Variants in DPYD observed in about 807,000 individuals in gnomAD.
The protein encoded by DPYD is dihydropyrimidine dehydrogenase, also known as dihydropyrimidine dehydrogenase [NADP(+)].
A neutral mutation model predicts 116.2 loss-of-function variants in DPYD; 109 were observed. The observed-to-expected ratio is 0.94, with a 90% confidence interval of 0.80 to 1.10. The LOEUF is 1.10. DPYD is among the 50% of genes least tolerant of loss of function. The pLI, the probability that DPYD is intolerant of heterozygous loss-of-function variation, is 0.00. For missense variants in DPYD, 1,302 were observed against 1,254.5 expected, an observed-to-expected ratio of 1.04 and a Z score of -0.57; for synonymous variants, 440 against 432.0, an observed-to-expected ratio of 1.02 and a Z score of -0.23.
chr1:97,108,591 T>G (rs1363291422), intron 20 of DPYD, among the ~76,000 whole-genome samples: 1 of 152,172 alleles, frequency 6.6e-6, no homozygotes, highest in Non-Finnish European at 1.5e-5. Flanking sequence ...GTTTTAGACT[T>G]CATTAGTAAA....
intron 3 of DPYD, among the ~76,000 whole-genome samples, chr1:97,811,838 A>C (rs918054032): frequency 1.3e-5 from 2 of 152,046 alleles, no homozygotes; most frequent in Non-Finnish European, 2.9e-5. Flanking sequence ...AATACCCTTT[A>C]ATTATCAATC....
At chr1:97,752,544 C>T (rs1664991922) in intron 3 of DPYD, among the ~76,000 whole-genome samples, 1 of 152,134 alleles carries the variant, frequency 6.6e-6, no homozygotes, top group Non-Finnish European at 1.5e-5. Flanking sequence ...CTCTGAGCCT[C>T]GGCTTCTATT....
intron 10 of DPYD, among the ~76,000 whole-genome samples, chr1:97,578,318 A>G (rs540873565): frequency 6.6e-6 from 1 of 152,168 alleles, no homozygotes; most frequent in East Asian, 1.9e-4. Context: ...ACACCCATAT[A>G]TTTGTTACAA....
chr1:97,634,677 C>A (rs1450325549), intron 8 of DPYD, among the ~76,000 whole-genome samples: 1 of 151,748 alleles, frequency 6.6e-6, no homozygotes, highest in African/African-American at 2.4e-5. Context: ...CTTATAAGCA[C>A]CAAAGAATAA....
chr1:97,189,548 A>G (rs1411333011), intron 20 of DPYD, among the ~76,000 whole-genome samples: 1 of 152,218 alleles, frequency 6.6e-6, no homozygotes, highest in Non-Finnish European at 1.5e-5. Context: ...GAAGAATGTC[A>G]ACATAACTCT....
intron 8 of DPYD, among the ~76,000 whole-genome samples, chr1:97,675,818 G>A (rs1441593514): frequency 3.4e-5 from 5 of 147,760 alleles, no homozygotes; most frequent in Non-Finnish European, 4.5e-5. Context: ...GTGAGATCTC[G>A]GCTCACTGCA....
intron 18 of DPYD, among the ~76,000 whole-genome samples, chr1:97,272,809 T>C (rs1326070672): frequency 2.6e-5 from 4 of 152,130 alleles, no homozygotes; most frequent in African/African-American, 9.6e-5. Context: ...CTTTAGAATA[T>C]TGAACAATCA....
intron 2 of DPYD, among the ~76,000 whole-genome samples, chr1:97,849,926 G>C (rs368035688): frequency 3.9e-5 from 6 of 152,244 alleles, no homozygotes; most frequent in African/African-American, 1.4e-4. Flanking sequence ...AATATCACAT[G>C]TTGTTGTTGT....
intron 8 of DPYD, among the ~76,000 whole-genome samples, chr1:97,637,646 C>T (rs1657649624): frequency 6.6e-6 from 1 of 151,958 alleles, no homozygotes; most frequent in Admixed American, 6.6e-5. Flanking sequence ...AGAGAAAGGG[C>T]AGAAAGAAGA....
At chr1:97,686,794 C>T (rs1245445489) in intron 7 of DPYD, among the ~76,000 whole-genome samples, 1 of 151,748 alleles carries the variant, frequency 6.6e-6, no homozygotes, top group African/African-American at 2.4e-5. Flanking sequence ...CAAAAATTGA[C>T]AGATGAGATT....
At chr1:97,778,130 T>C in intron 3 of DPYD, among the ~76,000 whole-genome samples, 1 of 124,978 alleles carries the variant, frequency 8.0e-6, no homozygotes, top group Non-Finnish European at 1.6e-5. Flanking sequence ...TGAACTCCAA[T>C]CTGGGCAACA....
At chr1:97,525,758 T>TAGAGAGAGAGAGAGAGAGAGAGAGAGAG (rs58098297) in intron 12 of DPYD, among the ~76,000 whole-genome samples, 2 of 108,744 alleles carry the variant, frequency 1.8e-5, no homozygotes, top group African/African-American at 7.3e-5. Flanking sequence ...CCTGGGTAAT[T>TAGAGAGAGAGAGAGAGAGAGAGAGAGAG]AGAGAGAGAG....
At chr1:97,418,377 TG>T (rs1331493411) in intron 14 of DPYD, among the ~76,000 whole-genome samples, 4 of 151,660 alleles carry the variant, frequency 2.6e-5, no homozygotes, top group Non-Finnish European at 4.4e-5. Flanking sequence ...CTTGGCTCAC[TG>T]CAACCTCTAC....
intron 20 of DPYD, among the ~76,000 whole-genome samples, chr1:97,179,995 C>G (rs929344537): frequency 6.6e-6 from 1 of 152,126 alleles, no homozygotes. Context: ...GCCAATTATT[C>G]AGGGCAACTG....
intron 2 of DPYD, among the ~76,000 whole-genome samples, chr1:97,854,583 A>G (rs1670726073): frequency 6.6e-6 from 1 of 152,170 alleles, no homozygotes; most frequent in African/African-American, 2.4e-5. Context: ...AAAACATTTT[A>G]TCACATTCAG....
chr1:97,467,994 C>T (rs1459215907), intron 13 of DPYD, among the ~76,000 whole-genome samples: 1 of 152,132 alleles, frequency 6.6e-6, no homozygotes, highest in Non-Finnish European at 1.5e-5. Context: ...GGTTGACAAA[C>T]TCCTATGGTA....
At chr1:97,248,557 A>G (rs1396226568) in intron 18 of DPYD, among the ~76,000 whole-genome samples, 2 of 152,214 alleles carry the variant, frequency 1.3e-5, no homozygotes, top group Non-Finnish European at 2.9e-5. Flanking sequence ...AACATTTGAA[A>G]ATCAATTAAT....
intron 19 of DPYD, among the ~76,000 whole-genome samples, chr1:97,233,359 C>T (rs911862253): frequency 6.6e-5 from 10 of 152,102 alleles, no homozygotes; most frequent in Non-Finnish European, 1.3e-4. Context: ...ACTACTACTG[C>T]AGAAGGGGGG....
At chr1:97,175,135 A>G (rs1352936792) in intron 20 of DPYD, among the ~76,000 whole-genome samples, 1 of 152,208 alleles carries the variant, frequency 6.6e-6, no homozygotes, top group Non-Finnish European at 1.5e-5. Flanking sequence ...AAGTAGTTGT[A>G]CCATTTTATA....
Sources: gnomAD v4.1 joint callset for allele counts (sites outside exome capture counted in the v4.1 genomes callset) on GRCh38, gnomAD v4.1.1 for gene constraint, MANE v1.5 for transcripts, NCBI Gene and HGNC (gene_info 2026-07-23, HGNC 2026-07-21) for gene names.